The following SLCO2B1 variants were observed in gnomAD, a reference collection of about 807,000 sequenced individuals.
SLCO2B1 encodes OATP-RP2.
Under a neutral mutation model 67.3 loss-of-function variants are expected in SLCO2B1, and 41 were observed. That is an observed-to-expected ratio of 0.61 (90% CI 0.47 to 0.79). The LOEUF (loss-of-function observed/expected upper bound fraction) is 0.79, where lower values mean the gene tolerates loss of function less well. Ranked by LOEUF, SLCO2B1 falls within the 30% of genes least tolerant of loss-of-function variation. The pLI is 0.00. For missense variants in SLCO2B1, 837 were observed against 920.1 expected, an observed-to-expected ratio of 0.91 and a Z score of 1.17; for synonymous variants, 379 against 381.4, an observed-to-expected ratio of 0.99 and a Z score of 0.07.
At chr11:75,167,895 C>CTT (rs561140005) in intron 4 of SLCO2B1, among the ~76,000 whole-genome samples, 60,317 of 134,292 alleles carry the variant, frequency 0.45, 15,089 homozygotes, top group Non-Finnish European at 0.56. Context: ...TTCTTTCTTT[C>CTT]TTTTTTTTTT....
rs749151965 is a variant in SLCO2B1, at chr11:75,151,376, G to A, written c.-6G>A. 2 of 1,613,490 alleles carry A rather than the reference G, an allele frequency of 1.2e-6. No homozygotes were observed. The highest frequency in any genetic ancestry group is 1.1e-5 in the South Asian group (1 of 90,854). The stretch of plus-strand genomic sequence containing the variant: ...AGGGGCTGGAGCTCACTGCACTCCA[G>A]CAGTCATGGGACCCAGGATAGGTAA... On this transcript the variant is annotated 5_prime_UTR_variant, in exon 1 of 14. Transcript: ENST00000289575.
intron 5 of SLCO2B1, 101 bp from the exon 6 acceptor site, chr11:75,169,565 C>A (rs528307938): frequency 1.6e-6 from 2 of 1,225,958 alleles, no homozygotes; most frequent in South Asian, 2.9e-5. Flanking sequence ...CATCCCTGAC[C>A]AGGGGAGACA....
Position 75,204,652 on chromosome 11 carries a change from T to C in SLCO2B1, c.*72T>C. ...CCTCCTCTGAGTCCTTTGCCCAAGA[T>C]TGGGTGTCAAGAGCCCTGTGTTCCA... On this transcript the variant is annotated 3_prime_UTR_variant, in exon 14 of 14. Coordinates refer to ENST00000289575, the MANE Select transcript of SLCO2B1 (RefSeq NM_007256.5). 1 of 1,407,130 alleles carries C rather than the reference T, an allele frequency of 7.1e-7. No individual in the cohort carries two copies. Among genetic ancestry groups the C allele is most frequent in the Non-Finnish European group, 9.5e-7 (1 of 1,049,072 alleles). The allele number at this position is 1,407,130 out of a possible 1,614,324, so 87.2% of individuals were successfully genotyped here.
intron 7 of SLCO2B1, among the ~76,000 whole-genome samples, chr11:75,181,587 G>A (rs1341440946): frequency 6.6e-6 from 1 of 152,100 alleles, no homozygotes. Context: ...CTGTGGGTCA[G>A]GGACCCTAGC....
Position 75,179,218 on chromosome 11 carries a change from A to ATTTTTTTTTTTT in SLCO2B1, c.972+6665_972+6676dup, listed in dbSNP as rs373993870. Among the ~76,000 whole-genome samples, 24 of 66,684 alleles carry ATTTTTTTTTTTT rather than the reference A, an allele frequency of 3.6e-4. 8 individuals carry two copies. Among genetic ancestry groups the ATTTTTTTTTTTT allele is most frequent in the African/African-American group, 1.5e-3 (24 of 16,262 alleles). The allele number at this position is 66,684 out of a possible 152,430, so 43.7% of individuals were successfully genotyped here. Reference sequence around the variant, plus strand: ...TGGGTATGTTTATTGGATACATGAGATTTTTTTTTTTTTTTTTTTTTTTTT... The same window carrying ATTTTTTTTTTTT: ...TGGGTATGTTTATTGGATACATGAGATTTTTTTTTTTTTTTTTTTTTTTTTTTTTTTTTTTTT... On this transcript the variant is annotated intron_variant, in intron 7 of 13. Transcript: ENST00000289575.
In SLCO2B1 at chr11:75,162,673, C is replaced by A. The variant is rs1284999216; in HGVS notation, c.35C>A (p.Pro12His). 1.9e-6 allele frequency: 3 copies of A among 1,613,672 alleles called. No homozygotes were observed. In the African/African-American group the frequency reaches 4.0e-5, roughly 22 times the overall value. Residue 12 changes from proline to histidine, a missense_variant, in exon 2 of 14, where the codon CCC becomes CAC. By Grantham distance (77) the Pro-to-His change is moderately conservative. Transcript: ENST00000289575. ...CCCTCAGGGCCAGCGGGTGAGGTACCCCAGGTACCAGACAAGGAAACCAAA... is the reference window on the plus strand; with the variant it reads ...CCCTCAGGGCCAGCGGGTGAGGTACACCAGGTACCAGACAAGGAAACCAAA... ...GPRIGPAGEV[P>H]QVPDKETKAT...
At chr11:75,177,662 G>C (rs548396897) in intron 7 of SLCO2B1, among the ~76,000 whole-genome samples, 3 of 152,276 alleles carry the variant, frequency 2.0e-5, no homozygotes, top group East Asian at 1.9e-4. Context: ...CCTCCACCTG[G>C]CAACCTTCAC....
intron 7 of SLCO2B1, among the ~76,000 whole-genome samples, chr11:75,176,508 A>G (rs7117473): frequency 0.15 from 22,358 of 152,272 alleles, 3,081 homozygotes; most frequent in African/African-American, 0.37. Context: ...AGAGCTTCTC[A>G]AGTACTTACA....
intron 1 of SLCO2B1, among the ~76,000 whole-genome samples, chr11:75,159,264 G>A (rs1412023324): frequency 1.3e-5 from 2 of 152,206 alleles, no homozygotes; most frequent in African/African-American, 2.4e-5. Context: ...GGGCCAGCTC[G>A]GGCTGTGGGT....
intron 2 of SLCO2B1, 175 bp downstream of exon 2, chr11:75,162,960 A>ACCTTC: frequency 1.4e-6 from 1 of 713,538 alleles, no homozygotes; most frequent in Non-Finnish European, 2.2e-6. Flanking sequence ...GGTTTCGGGC[A>ACCTTC]CATGGAAGGT....
intron 2 of SLCO2B1, chr11:75,163,030 T>C: frequency 2.9e-6 from 1 of 341,018 alleles, no homozygotes; most frequent in Non-Finnish European, 5.3e-6. Flanking sequence ...TAGTACAGGA[T>C]GAGGCACCCC....
intron 6 of SLCO2B1, among the ~76,000 whole-genome samples, chr11:75,172,112 G>T (rs1949967385): frequency 6.6e-6 from 1 of 152,078 alleles, no homozygotes; most frequent in South Asian, 2.1e-4. Flanking sequence ...GTTAGTAATG[G>T]AATTCAGACC....
At chr11:75,162,535 A>C (rs1042454503) in intron 1 of SLCO2B1, 120 bp from the exon 2 acceptor site, 1 of 1,071,738 alleles carries the variant, frequency 9.3e-7, no homozygotes. Context: ...GATTCTCATC[A>C]ACCACTAAGA....
At chr11:75,157,931 G>A (rs1045399117) in intron 1 of SLCO2B1, among the ~76,000 whole-genome samples, 1 of 151,982 alleles carries the variant, frequency 6.6e-6, no homozygotes, top group Non-Finnish European at 1.5e-5. Flanking sequence ...AATTACAGGC[G>A]TGAGCCACTG....
chr11:75,156,576 C>T (rs1949749075), intron 1 of SLCO2B1, among the ~76,000 whole-genome samples: 1 of 152,090 alleles, frequency 6.6e-6, no homozygotes, highest in African/African-American at 2.4e-5. Flanking sequence ...GCATCTGCTG[C>T]TGATGTTACC....
intron 10 of SLCO2B1, among the ~76,000 whole-genome samples, chr11:75,197,405 C>T (rs564594844): frequency 5.9e-5 from 9 of 152,366 alleles, no homozygotes; most frequent in Admixed American, 5.2e-4. Context: ...GAGGGAAGGG[C>T]TTTCCAGGCA....
chr11:75,185,401 C>T (rs369649096), intron 7 of SLCO2B1, among the ~76,000 whole-genome samples: 39 of 151,998 alleles, frequency 2.6e-4, no homozygotes, highest in African/African-American at 8.7e-4. Flanking sequence ...TGGCCCTGGA[C>T]GTGGGGAAGC....
chr11:75,163,983 C>A lies in SLCO2B1; in HGVS notation c.168C>A (p.Ser56Arg). 6.2e-7 allele frequency: 1 copy of A among 1,603,310 alleles called. No individual in the cohort carries two copies. Among genetic ancestry groups the A allele is most frequent in the Non-Finnish European group, 8.5e-7 (1 of 1,175,192 alleles). The stretch of plus-strand genomic sequence containing the variant: ...CACAGCTGTTCGTTCTGTGCCACAG[C>A]CTGCTGCAGCTGGCGCAGCTCATGA... Reference protein sequence around the residue: ...HNIKLFVLCHSLLQLAQLMIS... With the variant: ...HNIKLFVLCHRLLQLAQLMIS... Residue 56 changes from serine (S) to arginine (R), a missense_variant, in exon 3 of 14, where the codon AGC becomes AGA. By Grantham distance (110) the Ser-to-Arg change is moderately radical. Transcript: ENST00000289575.
chr11:75,173,600 C>T (rs559829377), intron 7 of SLCO2B1, among the ~76,000 whole-genome samples: 4 of 152,052 alleles, frequency 2.6e-5, no homozygotes, highest in East Asian at 1.9e-4. Flanking sequence ...TCCTCAGAAG[C>T]GGACACAGAG....
Sources: gnomAD v4.1 joint callset for allele counts (sites outside exome capture counted in the v4.1 genomes callset) on GRCh38, gnomAD v4.1.1 for gene constraint, MANE v1.5 for transcripts, NCBI Gene and HGNC (gene_info 2026-07-23, HGNC 2026-07-21) for gene names.